CNTN6: variants seen among roughly 807,000 people sequenced by gnomAD.
The protein encoded by CNTN6 is contactin-6.
A neutral mutation model predicts 122.8 loss-of-function variants in CNTN6; 137 were observed. That is an observed-to-expected ratio of 1.12 (90% CI 0.97 to 1.29). The LOEUF is 1.29. Among genes scored for constraint, CNTN6 ranks in the 50% most tolerant of loss-of-function variants. CNTN6 has a pLI of 0.00. For synonymous variants in CNTN6, 570 were observed against 426.0 expected (o/e 1.34, Z -4.16); for missense variants, 1,634 against 1,223.4 (o/e 1.34, Z -5.01).
intron 4 of CNTN6, among the ~76,000 whole-genome samples, chr3:1,255,757 C>G (rs1290524519): frequency 6.6e-6 from 1 of 152,156 alleles, no homozygotes; most frequent in Non-Finnish European, 1.5e-5. Flanking sequence ...ACTGCAGCTT[C>G]AAACTCCTGG....
At position 1,374,032 on chromosome 3, in the gene CNTN6, A is replaced by G. The variant is rs1302521657; in HGVS notation, c.2054A>G (p.Glu685Gly). ...VVAGNSIGIG[E>G]PSEPSELLRT... ...GCCGGCAACAGCATTGGGATTGGAG[A>G]ACCAAGTGAACCATCAGAATTGTTA... is the stretch of plus-strand genomic sequence containing the variant. The change falls in exon 16 of 23, where the codon GAA (glutamate) becomes GGA (glycine). Residue 685 changes from glutamate to glycine, a missense_variant. By Grantham distance (98) the Glu-to-Gly change is moderately conservative. Transcript: ENST00000446702. 1 of 1,612,974 alleles carries G rather than the reference A, an allele frequency of 6.2e-7. No homozygotes were observed.
chr3:1,200,815 C>T (rs545509225), intron 2 of CNTN6, among the ~76,000 whole-genome samples: 1 of 152,258 alleles, frequency 6.6e-6, no homozygotes, highest in South Asian at 2.1e-4. Context: ...TCAACTTTTT[C>T]CTTAAGAAGA....
intron 7 of CNTN6, among the ~76,000 whole-genome samples, chr3:1,311,181 C>T (rs1431038105): frequency 2.0e-5 from 3 of 147,566 alleles, no homozygotes; most frequent in Non-Finnish European, 4.5e-5. Flanking sequence ...TATAAAATGT[C>T]TTTATATATA....
rs566870820 is a variant in CNTN6, at chr3:1,160,850, A to G, written c.55+12787A>G. Among the ~76,000 whole-genome samples, 237 of 152,210 alleles carry G rather than the reference A, an allele frequency of 1.6e-3. 1 individual carries two copies. The highest frequency in any genetic ancestry group is 1.8e-3 in the Non-Finnish European group (121 of 68,028). On this transcript the variant is annotated intron_variant, in intron 2 of 22. Coordinates refer to ENST00000446702, the MANE Select transcript of CNTN6 (RefSeq NM_001289080.2). ...TGAAAGCTGAGTGTTAGTTTCAGGAATTTTGTAAGCAAGTCGTTTAAACAC... is the reference window on the plus strand; with the variant it reads ...TGAAAGCTGAGTGTTAGTTTCAGGAGTTTTGTAAGCAAGTCGTTTAAACAC...
chr3:1,370,838 A>T (rs1328086702), intron 12 of CNTN6, among the ~76,000 whole-genome samples: 1 of 152,068 alleles, frequency 6.6e-6, no homozygotes, highest in African/African-American at 2.4e-5. Context: ...ACGGAGCGAG[A>T]CTCCATCTCA....
chr3:1,352,740 C>A (rs562957542), intron 12 of CNTN6, among the ~76,000 whole-genome samples: 27 of 151,698 alleles, frequency 1.8e-4, no homozygotes, highest in Non-Finnish European at 3.0e-4. Context: ...ATGTTAGGGG[C>A]CATGGACGTT....
chr3:1,332,526 G>GGAAGGAAGGGGCGAGCAAGGAAT (rs1185468906), intron 11 of CNTN6, among the ~76,000 whole-genome samples: 2,639 of 149,686 alleles, frequency 0.018, 43 homozygotes, highest in South Asian at 0.041. Context: ...AAGGAAGGAA[G>GGAAGGAAGGGGCGAGCAAGGAAT]GAAGGAGGGA....
rs146048474 is a variant in CNTN6 at position 1,372,475 on chromosome 3, G to A, written c.1668+1G>A. The A allele has an allele frequency of 1.1e-5, 18 of 1,595,868 alleles. No homozygotes were observed. The highest frequency in any genetic ancestry group is 1.7e-4 in the Middle Eastern group (1 of 5,946). Reference sequence around the variant, plus strand: ...GGCTCATTTTGAAAGGATTGGAGGAGTAAGTTACTGAAATTGTTAAGTGCT... The same window carrying A: ...GGCTCATTTTGAAAGGATTGGAGGAATAAGTTACTGAAATTGTTAAGTGCT... On this transcript the variant is annotated splice_donor_variant, in intron 13 of 22. Coordinates refer to ENST00000446702, the MANE Select transcript of CNTN6 (RefSeq NM_001289080.2). LOFTEE classifies it high-confidence loss of function.
chr3:1,204,907 C>G (rs2093937679), intron 2 of CNTN6, among the ~76,000 whole-genome samples: 1 of 152,036 alleles, frequency 6.6e-6, no homozygotes, highest in African/African-American at 2.4e-5. Context: ...TGTCAATATT[C>G]TAATCCCTGG....
chr3:1,223,723 C>A (rs905716620), intron 3 of CNTN6, among the ~76,000 whole-genome samples: 1 of 152,148 alleles, frequency 6.6e-6, no homozygotes, highest in African/African-American at 2.4e-5. Context: ...TTCTGACAAT[C>A]TTCTCTCTAC....
chr3:1,144,093 T>C (rs548951205), intron 1 of CNTN6, among the ~76,000 whole-genome samples: 3 of 152,306 alleles, frequency 2.0e-5, no homozygotes, highest in Admixed American at 1.3e-4. Context: ...GCTTGCTGAA[T>C]AGCTATGAGC....
At chr3:1,171,626 T>A (rs1028958827) in intron 2 of CNTN6, among the ~76,000 whole-genome samples, 2 of 152,256 alleles carry the variant, frequency 1.3e-5, no homozygotes, top group African/African-American at 2.4e-5. Context: ...TCTTTTTTTT[T>A]AGGCAGAGTC....
intron 7 of CNTN6, among the ~76,000 whole-genome samples, chr3:1,300,759 T>C (rs566694490): frequency 4.1e-4 from 63 of 152,170 alleles, no homozygotes; most frequent in African/African-American, 1.2e-3. Context: ...TCTATCTGAA[T>C]TGACCAAGTG....
At chr3:1,284,950 C>T (rs1694086086) in intron 5 of CNTN6, among the ~76,000 whole-genome samples, 9 of 152,156 alleles carry the variant, frequency 5.9e-5, no homozygotes, top group Admixed American at 5.9e-4. Context: ...GCCTTACTTT[C>T]AGACATTTTA....
intron 2 of CNTN6, among the ~76,000 whole-genome samples, chr3:1,163,748 T>A: frequency 6.6e-6 from 1 of 152,260 alleles, no homozygotes; most frequent in East Asian, 1.9e-4. Flanking sequence ...TGTCTGTCAA[T>A]GCGGTCAATC....
Position 1,352,346 on chromosome 3 carries a change from A to G in CNTN6, c.1387A>G (p.Ser463Gly). The G allele has an allele frequency of 1.3e-6, 2 of 1,535,506 alleles. No individual in the cohort carries two copies. The highest frequency in any genetic ancestry group is 3.5e-4 in the Middle Eastern group (2 of 5,732). ...TAGAATATTTCTCTTGGAGGATGGC[A>G]GCCTCAAGATATATAATATTACCAG... is the stretch of plus-strand genomic sequence containing the variant. ...SKRIFLLEDGSLKIYNITRSD... is the reference protein window; with the variant it reads ...SKRIFLLEDGGLKIYNITRSD... Residue 463 changes from serine to glycine, a missense_variant, in exon 12 of 23, where the codon AGC becomes GGC. Physicochemically the swap from Ser to Gly is moderately conservative, Grantham distance 56. Coordinates refer to ENST00000446702, the MANE Select transcript of CNTN6 (RefSeq NM_001289080.2).
chr3:1,133,080 A>T (rs180815913), intron 1 of CNTN6, among the ~76,000 whole-genome samples: 3 of 152,286 alleles, frequency 2.0e-5, no homozygotes, highest in Admixed American at 2.0e-4. Flanking sequence ...TGAAAAATAC[A>T]CCAAGCAATA....
intron 5 of CNTN6, among the ~76,000 whole-genome samples, chr3:1,291,419 G>C (rs1227599331): frequency 6.6e-6 from 1 of 152,142 alleles, no homozygotes. Context: ...CAAGATTACA[G>C]GTTGAAGAAT....
At chr3:1,158,050 T>C (rs889023319) in intron 2 of CNTN6, among the ~76,000 whole-genome samples, 1 of 152,216 alleles carries the variant, frequency 6.6e-6, no homozygotes, top group African/African-American at 2.4e-5. Context: ...GCCCTAGTTT[T>C]AGTCTTAGTT....
Sources: gnomAD v4.1 joint callset for allele counts (sites outside exome capture counted in the v4.1 genomes callset) on GRCh38, gnomAD v4.1.1 for gene constraint, MANE v1.5 for transcripts, NCBI Gene and HGNC (gene_info 2026-07-23, HGNC 2026-07-21) for gene names.